Variants in SLC35D4 observed in about 807,000 individuals in gnomAD.
SLC35D4 encodes UDP-N-acetylglucosamine transporter SLC35D4.
chr18:23,414,629 C>T, the SLC35D4 span, among the ~76,000 whole-genome samples: 6 of 150,124 alleles, frequency 4.0e-5, no homozygotes, highest in Non-Finnish European at 7.4e-5. Context: ...GCCAAGATCA[C>T]GCCACTGCAC....
chr18:23,306,481 T>C, the SLC35D4 span, among the ~76,000 whole-genome samples: 170 of 152,268 alleles, frequency 1.1e-3, 1 homozygote, highest in South Asian at 0.034. Context: ...TAATTTTGTA[T>C]TTTTAGTAGA....
chr18:23,300,441 A>G, the SLC35D4 span, among the ~76,000 whole-genome samples: 33 of 152,192 alleles, frequency 2.2e-4, no homozygotes, highest in Non-Finnish European at 4.4e-4. Flanking sequence ...ACCAGGGAGA[A>G]AACCAGGGTA....
At chr18:23,344,366 A>G in the SLC35D4 span, among the ~76,000 whole-genome samples, 1 of 152,206 alleles carries the variant, frequency 6.6e-6, no homozygotes, top group Non-Finnish European at 1.5e-5. Context: ...CTTTGGCTAT[A>G]TGCCCAATAA....
At chr18:23,377,518 T>C in the SLC35D4 span, 2 of 794,320 alleles carry the variant, frequency 2.5e-6, no homozygotes, top group East Asian at 3.1e-5. Flanking sequence ...AAATTAGGGA[T>C]ATATGAATGT....
the SLC35D4 span, among the ~76,000 whole-genome samples, chr18:23,271,022 C>G: frequency 6.6e-6 from 1 of 152,112 alleles, no homozygotes. Context: ...GTCTGTGTCC[C>G]CACCCAAATC....
At chr18:23,253,785 CG>C in the SLC35D4 span, 3 of 1,614,176 alleles carry the variant, frequency 1.9e-6, no homozygotes. Flanking sequence ...GAGGAGCCCA[CG>C]GTGGCCATGG....
At chr18:23,330,258 A>C in the SLC35D4 span, among the ~76,000 whole-genome samples, 38 of 152,230 alleles carry the variant, frequency 2.5e-4, no homozygotes, top group South Asian at 8.3e-4. Flanking sequence ...TAAAAACAGA[A>C]AACCTCAGGA....
chr18:23,368,066 A>C, the SLC35D4 span, among the ~76,000 whole-genome samples: 811 of 152,324 alleles, frequency 5.3e-3, 10 homozygotes, highest in African/African-American at 0.019. Context: ...ATCAAGCCTC[A>C]GACTTCATCC....
At chr18:23,352,335 TA>T in the SLC35D4 span, 1 of 1,515,236 alleles carries the variant, frequency 6.6e-7, no homozygotes, top group Non-Finnish European at 9.0e-7. Flanking sequence ...TGTCTTCCCT[TA>T]GCCAATGGCT....
At chr18:23,437,932 C>T in the SLC35D4 span, 65 of 1,456,716 alleles carry the variant, frequency 4.5e-5, no homozygotes, top group Non-Finnish European at 5.5e-5. Flanking sequence ...GCAGCAGCAG[C>T]AGCGGCAGCG....
chr18:23,308,309 G>A, the SLC35D4 span, among the ~76,000 whole-genome samples: 1 of 152,094 alleles, frequency 6.6e-6, no homozygotes, highest in Non-Finnish European at 1.5e-5. Flanking sequence ...CCCCAGATCC[G>A]CAGGCTGATT....
chr18:23,429,379 G>A, the SLC35D4 span, among the ~76,000 whole-genome samples: 4 of 151,362 alleles, frequency 2.6e-5, no homozygotes, highest in Non-Finnish European at 5.9e-5. Flanking sequence ...TTTTTTAGAC[G>A]GATTTTCACT....
the SLC35D4 span, chr18:23,368,722 T>A: frequency 7.0e-7 from 1 of 1,418,728 alleles, no homozygotes; most frequent in Non-Finnish European, 9.8e-7. Flanking sequence ...TACCTGAATA[T>A]ATAGTTTAAG....
At chr18:23,278,628 C>T in the SLC35D4 span, among the ~76,000 whole-genome samples, 1 of 152,130 alleles carries the variant, frequency 6.6e-6, no homozygotes, top group Non-Finnish European at 1.5e-5. Context: ...CCGACAGGTG[C>T]TGAGGCTGGT....
At chr18:23,379,716 C>T in the SLC35D4 span, among the ~76,000 whole-genome samples, 1 of 152,198 alleles carries the variant, frequency 6.6e-6, no homozygotes, top group African/African-American at 2.4e-5. Context: ...TTTTCCTTTT[C>T]AGGATACTCA....
At chr18:23,364,200 A>G in the SLC35D4 span, among the ~76,000 whole-genome samples, 2 of 152,172 alleles carry the variant, frequency 1.3e-5, no homozygotes, top group Non-Finnish European at 2.9e-5. Context: ...GGACCTTAGA[A>G]AGCAGCCAAT....
chr18:23,248,512 C>CTTTTTT, the SLC35D4 span, among the ~76,000 whole-genome samples: 117 of 90,720 alleles, frequency 1.3e-3, 3 homozygotes, highest in African/African-American at 4.7e-3. Context: ...GACCCTATGT[C>CTTTTTT]TTTTTTTTTT....
the SLC35D4 span, among the ~76,000 whole-genome samples, chr18:23,324,567 C>T: frequency 7.9e-5 from 12 of 152,286 alleles, no homozygotes; most frequent in Admixed American, 3.9e-4. Context: ...ACATGAAAGG[C>T]GAGATCTGCC....
At chr18:23,363,180 G>A in the SLC35D4 span, among the ~76,000 whole-genome samples, 16 of 149,488 alleles carry the variant, frequency 1.1e-4, no homozygotes, top group African/African-American at 4.0e-4. Context: ...GGGAGGCAGA[G>A]GTTGCAGTGA....
Sources: gnomAD v4.1 joint callset for allele counts (sites outside exome capture counted in the v4.1 genomes callset) on GRCh38, gnomAD v4.1.1 for gene constraint, MANE v1.5 for transcripts, NCBI Gene and HGNC (gene_info 2026-07-23, HGNC 2026-07-21) for gene names.